POMGNT2: variants seen among roughly 807,000 people sequenced by gnomAD.
POMGNT2 encodes the protein protein O-linked-mannose beta-1,4-N-acetylglucosaminyltransferase 2.
A neutral mutation model predicts 37.8 loss-of-function variants in POMGNT2; 32 were observed. The ratio of observed to expected loss-of-function variants is 0.85; its 90% CI spans 0.64 to 1.14. POMGNT2 has a LOEUF of 1.14. Ranked by LOEUF, POMGNT2 falls within the 50% of genes most tolerant of loss-of-function variation. The pLI is 0.00. For synonymous variants in POMGNT2, 340 were observed against 336.8 expected, an observed-to-expected ratio of 1.01 and a Z score of -0.10; for missense variants, 705 against 780.6, an observed-to-expected ratio of 0.90 and a Z score of 1.15.
At position 43,080,700 on chromosome 3, in the gene POMGNT2, C is replaced by G; in HGVS notation, c.732G>C (p.Gln244His). 6.2e-7 allele frequency: 1 copy of G among 1,614,176 alleles called. No individual in the cohort carries two copies. Among genetic ancestry groups the G allele is most frequent in the Non-Finnish European group, 8.5e-7 (1 of 1,180,044 alleles). ...GGCCCTGGGGCTGCACAAAGCCATA[C>G]TGGTACCAGGTAGTGATCTTGGAGA... Reference protein sequence around the residue: ...VGLSKITTWYQYGFVQPQGPK... With the variant: ...VGLSKITTWYHYGFVQPQGPK... The change falls in exon 2 of 2, where the codon CAG (glutamine) becomes CAC (histidine). Residue 244 changes from glutamine to histidine, a missense_variant. Physicochemically the swap from Gln to His is conservative, Grantham distance 24 (BLOSUM62 0). Coordinates refer to ENST00000344697, the MANE Select transcript of POMGNT2 (RefSeq NM_032806.6).
In POMGNT2 at chr3:43,080,328, A is replaced by G; in HGVS notation, c.1104T>C (p.Ala368=). 1.2e-6 allele frequency: 2 copies of G among 1,614,152 alleles called. No individual in the cohort carries two copies. Among genetic ancestry groups the G allele is most frequent in the Non-Finnish European group, 1.7e-6 (2 of 1,180,030 alleles). ...GATVVELFPY[A]VNPDHYTPYK... is the part of the protein sequence containing the mutation. ...AGGGAGTGTAGTGGTCGGGATTGAC[A>G]GCATATGGGAAGAGCTCTACCACAG... Residue 368 remains alanine, a synonymous_variant, in exon 2 of 2, where the codon GCT becomes GCC. Coordinates refer to ENST00000344697, the MANE Select transcript of POMGNT2 (RefSeq NM_032806.6).
Position 43,080,493 on chromosome 3 carries a change from C to A in POMGNT2, c.939G>T (p.Glu313Asp). 1 of 1,614,212 alleles carries A rather than the reference C, an allele frequency of 6.2e-7. No homozygotes were observed. Among genetic ancestry groups the A allele is most frequent in the Non-Finnish European group, 8.5e-7 (1 of 1,180,046 alleles). Residue 313 changes from glutamate (E) to aspartate (D), a missense_variant, in exon 2 of 2, where the codon GAG becomes GAT. Transcript: ENST00000344697. ...ACACTGTCACTGTCTTCATCTGGAA[C>A]TCCTGGGCCAGTGCCAGCAGCAGCT... is the stretch of plus-strand genomic sequence containing the variant. ...EAELLLALAQ[E>D]FQMKTVTVSL... is the part of the protein sequence containing the mutation.
intron 1 of POMGNT2, among the ~76,000 whole-genome samples, chr3:43,105,591 G>A (rs1434065735): frequency 1.6e-3 from 7 of 4,498 alleles, no homozygotes; most frequent in Non-Finnish European, 2.9e-3. Context: ...CCCAATCCCC[G>A]GCCCCCGACC....
chr3:43,093,772 G>A (rs144652066), intron 1 of POMGNT2, among the ~76,000 whole-genome samples: 225 of 152,240 alleles, frequency 1.5e-3, no homozygotes, highest in Non-Finnish European at 2.8e-3. Flanking sequence ...GGTAACAAGC[G>A]TGACACACAT....
chr3:43,094,585 C>G (rs1160157686), intron 1 of POMGNT2, among the ~76,000 whole-genome samples: 1 of 152,236 alleles, frequency 6.6e-6, no homozygotes, highest in Non-Finnish European at 1.5e-5. Context: ...AGGACTGCAG[C>G]CTGGTCTGAC....
At chr3:43,093,664 A>C (rs950631174) in intron 1 of POMGNT2, among the ~76,000 whole-genome samples, 1 of 152,064 alleles carries the variant, frequency 6.6e-6, no homozygotes, top group South Asian at 2.1e-4. Flanking sequence ...TCTGATGAAT[A>C]CCCCACTCCC....
rs1575461128 is a variant in POMGNT2, at chr3:43,079,716, A to C, written c.1716T>G (p.Phe572Leu). 1.2e-6 allele frequency: 2 copies of C among 1,613,856 alleles called. No homozygotes were observed. The highest frequency in any genetic ancestry group is 1.7e-6 in the Non-Finnish European group (2 of 1,179,866). ...CIFNKILLGP[F>L]ADVLVCNT ...ACGTGTTGCACACCAGCACATCTGC[A>C]AAGGGTCCCAGGAGGATCTTGTTGA... The change falls in exon 2 of 2, where the codon TTT becomes TTG. Residue 572 changes from phenylalanine to leucine, a missense_variant. Phe to Leu is a conservative substitution (Grantham distance 22). Coordinates refer to ENST00000344697, the MANE Select transcript of POMGNT2 (RefSeq NM_032806.6).
intron 1 of POMGNT2, among the ~76,000 whole-genome samples, chr3:43,097,053 C>T (rs1051090231): frequency 1.3e-5 from 2 of 152,200 alleles, no homozygotes; most frequent in African/African-American, 4.8e-5. Flanking sequence ...GAGCTCACCA[C>T]GTGAGGGTGG....
At chr3:43,089,635 G>A (rs911009189) in intron 1 of POMGNT2, among the ~76,000 whole-genome samples, 2 of 152,086 alleles carry the variant, frequency 1.3e-5, no homozygotes, top group Non-Finnish European at 2.9e-5. Flanking sequence ...GTGTTAGAAT[G>A]GGGGGCCTAG....
rs1434964789 is a variant in POMGNT2 at position 43,081,357 on chromosome 3, C to T, written c.75G>A (p.Leu25=). The change falls in exon 2 of 2, where the codon CTG becomes CTA. Residue 25 remains leucine (L), a synonymous_variant. Transcript: ENST00000344697. The part of the protein sequence containing the change: ...LAAVLWKHVR[L]REHAATLEEE... ...CCTCCAGTGTGGCTGCATGCTCACG[C>T]AGCCGCACATGCTTCCACAGGACCG... 1.2e-6 allele frequency: 2 copies of T among 1,609,062 alleles called. No individual in the cohort carries two copies. The highest frequency in any genetic ancestry group is 1.3e-5 in the African/African-American group (1 of 74,928).
intron 1 of POMGNT2, among the ~76,000 whole-genome samples, chr3:43,082,332 G>A (rs1045188651): frequency 6.6e-6 from 1 of 152,176 alleles, no homozygotes; most frequent in African/African-American, 2.4e-5. Flanking sequence ...GCTAAGCTTT[G>A]CTCCTGCTTA....
intron 1 of POMGNT2, among the ~76,000 whole-genome samples, chr3:43,097,817 G>A (rs1370611010): frequency 6.6e-6 from 1 of 152,218 alleles, no homozygotes; most frequent in Non-Finnish European, 1.5e-5. Flanking sequence ...TTCAAATTGA[G>A]TGAAGACAAC....
At chr3:43,084,245 C>T (rs1559416056) in intron 1 of POMGNT2, among the ~76,000 whole-genome samples, 1 of 152,082 alleles carries the variant, frequency 6.6e-6, no homozygotes, top group Non-Finnish European at 1.5e-5. Flanking sequence ...TCTGTAGGCT[C>T]ATGCCTTCCC....
intron 1 of POMGNT2, among the ~76,000 whole-genome samples, chr3:43,096,739 A>G (rs1474372743): frequency 6.6e-6 from 1 of 152,344 alleles, no homozygotes; most frequent in South Asian, 2.1e-4. Flanking sequence ...GCCAGGACAA[A>G]GCATGATAAA....
Position 43,080,302 on chromosome 3 carries a change from T to C in POMGNT2, c.1130A>G (p.Tyr377Cys), listed in dbSNP as rs369583405. 9.9e-6 allele frequency: 16 copies of C among 1,614,004 alleles called. No homozygotes were observed. The highest frequency in any genetic ancestry group is 1.1e-5 in the Non-Finnish European group (13 of 1,180,018). The change falls in exon 2 of 2, where the codon TAT (tyrosine) becomes TGT (cysteine). Residue 377 changes from tyrosine (Y) to cysteine (C), a missense_variant. Tyr to Cys is a radical substitution (Grantham distance 194). Coordinates refer to ENST00000344697, the MANE Select transcript of POMGNT2 (RefSeq NM_032806.6). Reference sequence around the variant, plus strand: ...GCCAGGCAGCATGGCCAGCGTCTTATAGGGAGTGTAGTGGTCGGGATTGAC... The same window carrying C: ...GCCAGGCAGCATGGCCAGCGTCTTACAGGGAGTGTAGTGGTCGGGATTGAC... The part of the protein sequence containing the change: ...YAVNPDHYTP[Y>C]KTLAMLPGMD...
At chr3:43,092,496 C>T (rs2089951300) in intron 1 of POMGNT2, among the ~76,000 whole-genome samples, 1 of 152,136 alleles carries the variant, frequency 6.6e-6, no homozygotes, top group South Asian at 2.1e-4. Flanking sequence ...AGGGGTCTGG[C>T]CATGTTGCCT....
At chr3:43,087,999 G>A (rs947435546) in intron 1 of POMGNT2, 1 of 152,204 alleles carries the variant, frequency 6.6e-6, no homozygotes, top group Non-Finnish European at 1.5e-5. Context: ...ATGTATAGTT[G>A]AATTTTGTGA....
At chr3:43,088,808 G>A (rs1170748454) in intron 1 of POMGNT2, among the ~76,000 whole-genome samples, 1 of 152,244 alleles carries the variant, frequency 6.6e-6, no homozygotes, top group Admixed American at 6.5e-5. Context: ...CGACCCTGGT[G>A]ACATCTCCAA....
At chr3:43,088,356 T>C (rs1430176431) in intron 1 of POMGNT2, among the ~76,000 whole-genome samples, 3 of 152,230 alleles carry the variant, frequency 2.0e-5, no homozygotes, top group Non-Finnish European at 4.4e-5. Context: ...CACTATGTCA[T>C]TGGTGGCACC....
Sources: gnomAD v4.1 joint callset for allele counts (sites outside exome capture counted in the v4.1 genomes callset) on GRCh38, gnomAD v4.1.1 for gene constraint, MANE v1.5 for transcripts, NCBI Gene and HGNC (gene_info 2026-07-23, HGNC 2026-07-21) for gene names.